Variants in EFHC1 observed in about 807,000 individuals in gnomAD.
The protein encoded by EFHC1 is EF-hand domain-containing protein 1.
EFHC1 carries 53 observed loss-of-function variants against 69.9 expected under a neutral mutation model. The ratio of observed to expected loss-of-function variants is 0.76; its 90% CI spans 0.61 to 0.95. The LOEUF is 0.95. Among genes scored for constraint, EFHC1 ranks in the 40% least tolerant of loss-of-function variants. The probability of loss-of-function intolerance (pLI) is 0.00; values close to 1 mark genes in which losing one functional copy is unlikely to be tolerated. For synonymous variants in EFHC1, 256 were observed against 278.4 expected (o/e 0.92, Z 0.80); for missense variants, 739 against 798.7 (o/e 0.93, Z 0.90).
intron 4 of EFHC1, chr6:52,453,396 A>G (rs1373364117): frequency 7.8e-7 from 1 of 1,287,116 alleles, no homozygotes; most frequent in African/African-American, 1.5e-5. Flanking sequence ...GTATAAGCAG[A>G]TTTAAATCCT....
At chr6:52,485,628 T>G (rs1190950690) in intron 9 of EFHC1, 1 of 152,172 alleles carries the variant, frequency 6.6e-6, no homozygotes, top group South Asian at 2.1e-4. Flanking sequence ...GAGTTCTCAC[T>G]TGTAGTTCCC....
intron 6 of EFHC1, among the ~76,000 whole-genome samples, chr6:52,467,695 T>G (rs1282862230): frequency 6.6e-6 from 1 of 152,190 alleles, no homozygotes; most frequent in East Asian, 1.9e-4. Context: ...AAAACTAATT[T>G]TATATAATAA....
chr6:52,472,084 A>G (rs1003157404), intron 7 of EFHC1, among the ~76,000 whole-genome samples: 1 of 151,930 alleles, frequency 6.6e-6, no homozygotes, highest in African/African-American at 2.4e-5. Flanking sequence ...TGCTAAAATC[A>G]ATCTAATATG....
intron 3 of EFHC1, among the ~76,000 whole-genome samples, chr6:52,444,238 G>A (rs1764730595): frequency 6.6e-6 from 1 of 152,156 alleles, no homozygotes; most frequent in Non-Finnish European, 1.5e-5. Context: ...CTGCAAACAG[G>A]AACAATTTGA....
intron 1 of EFHC1, 91 bp from the exon 2 acceptor site, chr6:52,423,855 A>C: frequency 6.4e-7 from 1 of 1,568,856 alleles, no homozygotes; most frequent in Non-Finnish European, 8.6e-7. Flanking sequence ...TTATAAGCAA[A>C]GATTCAAGTT....
At chr6:52,442,915 G>A (rs1285525507) in intron 3 of EFHC1, among the ~76,000 whole-genome samples, 1 of 152,194 alleles carries the variant, frequency 6.6e-6, no homozygotes, top group Non-Finnish European at 1.5e-5. Context: ...CCCACCAACA[G>A]TGTAAAAGCA....
intron 5 of EFHC1, among the ~76,000 whole-genome samples, chr6:52,454,802 CT>C (rs1344678732): frequency 6.6e-6 from 1 of 152,084 alleles, no homozygotes; most frequent in African/African-American, 2.4e-5. Context: ...TTAAAATTAC[CT>C]AGCATGGGCT....
chr6:52,462,393 T>C (rs1040831584), intron 5 of EFHC1, among the ~76,000 whole-genome samples: 1 of 151,722 alleles, frequency 6.6e-6, no homozygotes, highest in Non-Finnish European at 1.5e-5. Context: ...TCTAAAGAAT[T>C]TAAAAATTAA....
At chr6:52,459,392 AG>A (rs1289414942) in intron 5 of EFHC1, among the ~76,000 whole-genome samples, 1 of 152,252 alleles carries the variant, frequency 6.6e-6, no homozygotes, top group Non-Finnish European at 1.5e-5. Context: ...AATAAAAAAT[AG>A]GTAAAGGATT....
intron 2 of EFHC1, among the ~76,000 whole-genome samples, chr6:52,438,097 A>AT (rs1764573567): frequency 6.6e-6 from 1 of 152,230 alleles, no homozygotes; most frequent in African/African-American, 2.4e-5. Context: ...CTTGCAGGTC[A>AT]TAAAAAAAAC....
At chr6:52,423,311 G>T (rs1434739478) in intron 1 of EFHC1, among the ~76,000 whole-genome samples, 1 of 152,128 alleles carries the variant, frequency 6.6e-6, no homozygotes, top group African/African-American at 2.4e-5. Context: ...AACATGAGAA[G>T]ACTAGTGAAA....
chr6:52,423,372 T>C (rs1358310253), intron 1 of EFHC1, among the ~76,000 whole-genome samples: 1 of 152,206 alleles, frequency 6.6e-6, no homozygotes, highest in Non-Finnish European at 1.5e-5. Context: ...GCAAGGTGAA[T>C]TGGTAGTTAA....
chr6:52,423,700 A>G, intron 1 of EFHC1: 1 of 515,988 alleles, frequency 1.9e-6, no homozygotes, highest in Non-Finnish European at 3.3e-6. Context: ...TTGTAGAGAC[A>G]GCATCTTGTT....
At position 52,479,137 on chromosome 6, in the gene EFHC1, G is replaced by A. The variant is rs747838806; in HGVS notation, c.1379G>A (p.Gly460Asp). 1 of 1,614,066 alleles carries A rather than the reference G, an allele frequency of 6.2e-7. No individual in the cohort carries two copies. Among genetic ancestry groups the A allele is most frequent in the Admixed American group, 1.7e-5 (1 of 60,010 alleles). Residue 460 changes from glycine (G) to aspartate (D), a missense_variant, in exon 8 of 11, where the codon GGT becomes GAT. Physicochemically the swap from Gly to Asp is moderately conservative, Grantham distance 94. Coordinates refer to ENST00000371068, the MANE Select transcript of EFHC1 (RefSeq NM_018100.4). Reference sequence around the variant, plus strand: ...TTTGAGCCTCCTGTTCGCAATTCTGGTATCATTGGGGGCAAGTACCTTGGC... The same window carrying A: ...TTTGAGCCTCCTGTTCGCAATTCTGATATCATTGGGGGCAAGTACCTTGGC... ...SIFEPPVRNS[G>D]IIGGKYLGRT...
intron 1 of EFHC1, chr6:52,423,721 GT>G: frequency 1.3e-6 from 1 of 794,816 alleles, no homozygotes; most frequent in Non-Finnish European, 1.9e-6. Context: ...GCCCAGGCTG[GT>G]CTCGAACTCT....
intron 3 of EFHC1, among the ~76,000 whole-genome samples, chr6:52,443,504 A>G (rs1023159940): frequency 3.3e-5 from 5 of 152,150 alleles, no homozygotes; most frequent in Non-Finnish European, 7.4e-5. Context: ...CTTTCTACAT[A>G]TGGCTAGCCA....
chr6:52,423,989 G>A lies in EFHC1; in HGVS notation c.107G>A (p.Gly36Asp), dbSNP rs1764248320. The A allele has an allele frequency of 6.2e-7, 1 of 1,614,068 alleles. No homozygotes were observed. The highest frequency in any genetic ancestry group is 8.5e-7 in the Non-Finnish European group (1 of 1,180,018). Residue 36 changes from glycine to aspartate, a missense_variant, in exon 2 of 11, where the codon GGC becomes GAC. Physicochemically the swap from Gly to Asp is moderately conservative, Grantham distance 94. Transcript: ENST00000371068. ...HRSQTLSYRN[G>D]YAIVRRPTVG... ...AGTCAGACGCTGAGCTACAGGAACG[G>A]CTATGCAATTGTTCGACGTCCAACA...
At chr6:52,455,637 G>A (rs1313384411) in intron 5 of EFHC1, among the ~76,000 whole-genome samples, 1 of 151,276 alleles carries the variant, frequency 6.6e-6, no homozygotes. Flanking sequence ...CTGGGTGACA[G>A]AGTGAGACTC....
At position 52,479,096 on chromosome 6, in the gene EFHC1, C is replaced by T. The variant is rs546464826; in HGVS notation, c.1338C>T (p.Thr446=). The change falls in exon 8 of 11, where the codon ACC becomes ACT. Residue 446 remains threonine, a synonymous_variant. Coordinates refer to ENST00000371068, the MANE Select transcript of EFHC1 (RefSeq NM_018100.4). ...RRFVFSYFLA[T]DMISIFEPPV... ...TTGTCTTCTCTTACTTTCTAGCTAC[C>T]GACATGATCAGTATCTTTGAGCCTC... 122 of 1,613,948 alleles carry T rather than the reference C, an allele frequency of 7.6e-5. No individual in the cohort carries two copies. Among genetic ancestry groups the T allele is most frequent in the South Asian group, 1.3e-4 (12 of 91,084 alleles).
Sources: gnomAD v4.1 joint callset for allele counts (sites outside exome capture counted in the v4.1 genomes callset) on GRCh38, gnomAD v4.1.1 for gene constraint, MANE v1.5 for transcripts, NCBI Gene and HGNC (gene_info 2026-07-23, HGNC 2026-07-21) for gene names.